Variants in SGCZ observed in about 807,000 individuals in gnomAD.
SGCZ encodes zeta-sarcoglycan.
A neutral mutation model predicts 41.3 loss-of-function variants in SGCZ; 40 were observed. That is an observed-to-expected ratio of 0.97 (90% CI 0.75 to 1.26). The LOEUF (loss-of-function observed/expected upper bound fraction) is 1.26, where lower values mean the gene tolerates loss of function less well. Ranked by LOEUF, SGCZ falls within the 50% of genes most tolerant of loss-of-function variation. The pLI is 0.00. For missense variants in SGCZ, 552 were observed against 369.8 expected (o/e 1.49, Z -4.04); for synonymous variants, 206 against 137.5 (o/e 1.50, Z -3.49).
intron 1 of SGCZ, among the ~76,000 whole-genome samples, chr8:14,608,987 C>A (rs1291286187): frequency 3.3e-5 from 5 of 152,064 alleles, no homozygotes; most frequent in Non-Finnish European, 7.4e-5. Context: ...TTAATTCTAC[C>A]TTTAAAATTT....
intron 2 of SGCZ, among the ~76,000 whole-genome samples, chr8:14,509,566 A>G (rs184943169): frequency 3.9e-4 from 60 of 152,306 alleles, no homozygotes; most frequent in African/African-American, 1.4e-3. Context: ...CTAATAGACT[A>G]GAAATGTTTA....
At chr8:14,838,809 A>G (rs1802796758) in intron 1 of SGCZ, among the ~76,000 whole-genome samples, 2 of 152,164 alleles carry the variant, frequency 1.3e-5, no homozygotes. Context: ...TGATCATCAC[A>G]TAAAAGAACA....
At chr8:15,103,544 G>A (rs543605964) in intron 1 of SGCZ, among the ~76,000 whole-genome samples, 6 of 152,206 alleles carry the variant, frequency 3.9e-5, no homozygotes, top group African/African-American at 1.4e-4. Flanking sequence ...ACACTAATAA[G>A]TCTGGATGTT....
At chr8:15,136,930 T>A (rs917069353) in intron 1 of SGCZ, among the ~76,000 whole-genome samples, 2 of 152,102 alleles carry the variant, frequency 1.3e-5, no homozygotes, top group African/African-American at 2.4e-5. Flanking sequence ...AGGCAGAGGA[T>A]GGAACAGTTT....
chr8:14,473,742 C>G (rs560248468), intron 2 of SGCZ, among the ~76,000 whole-genome samples: 2 of 152,080 alleles, frequency 1.3e-5, no homozygotes, highest in East Asian at 3.9e-4. Flanking sequence ...TCGAGACCAA[C>G]TTGGCTAACA....
At chr8:14,796,410 T>C (rs1217861188) in intron 1 of SGCZ, among the ~76,000 whole-genome samples, 1 of 150,624 alleles carries the variant, frequency 6.6e-6, no homozygotes, top group Non-Finnish European at 1.5e-5. Context: ...TGAGCCAGCA[T>C]ACTCATTCTA....
At chr8:14,610,374 T>C (rs1805888153) in intron 1 of SGCZ, among the ~76,000 whole-genome samples, 1 of 152,300 alleles carries the variant, frequency 6.6e-6, no homozygotes, top group Non-Finnish European at 1.5e-5. Context: ...ACTGAGAGGA[T>C]TCTGCACAGA....
chr8:14,814,267 A>G (rs958220406), intron 1 of SGCZ, among the ~76,000 whole-genome samples: 6 of 152,064 alleles, frequency 3.9e-5, no homozygotes, highest in Non-Finnish European at 8.8e-5. Context: ...CTACGCCTCT[A>G]CCTCCTTAAA....
At chr8:15,169,482 C>G (rs921360127) in intron 1 of SGCZ, among the ~76,000 whole-genome samples, 1 of 152,220 alleles carries the variant, frequency 6.6e-6, no homozygotes, top group Non-Finnish European at 1.5e-5. Flanking sequence ...CAATAGAACA[C>G]TGTCTCACTC....
intron 1 of SGCZ, among the ~76,000 whole-genome samples, chr8:15,224,555 G>A (rs1801706716): frequency 1.3e-5 from 2 of 152,048 alleles, no homozygotes; most frequent in South Asian, 4.1e-4. Context: ...CATAACTCAT[G>A]AACTAAAATG....
rs1189879102 is a variant in SGCZ, at chr8:14,088,679, A to G, written c.*1764T>C. On this transcript the variant is annotated 3_prime_UTR_variant, in exon 8 of 8. Transcript: ENST00000382080. ...AAATATAATCACATTTTATTTTAAC[A>G]GTAATAAATTAGCCTTTGAACCCTT... Among the ~76,000 whole-genome samples, 1 of 151,952 alleles carries G rather than the reference A, an allele frequency of 6.6e-6. No individual in the cohort carries two copies. Among genetic ancestry groups the G allele is most frequent in the Non-Finnish European group, 1.5e-5 (1 of 67,904 alleles).
chr8:14,200,647 G>C (rs532992358), intron 4 of SGCZ, among the ~76,000 whole-genome samples: 1 of 152,188 alleles, frequency 6.6e-6, no homozygotes, highest in African/African-American at 2.4e-5. Context: ...AACAAAACAT[G>C]CTGGAATATA....
intron 1 of SGCZ, among the ~76,000 whole-genome samples, chr8:14,865,152 C>T (rs1268848241): frequency 6.6e-6 from 1 of 152,004 alleles, no homozygotes; most frequent in African/African-American, 2.4e-5. Context: ...GTGTCCTTAG[C>T]ATCACATTCA....
intron 2 of SGCZ, among the ~76,000 whole-genome samples, chr8:14,459,429 T>A (rs28811743): frequency 6.6e-5 from 10 of 150,888 alleles, no homozygotes; most frequent in African/African-American, 2.4e-4. Context: ...AAAAATAAAA[T>A]AAAAAATAAA....
intron 3 of SGCZ, 123 bp from the exon 4 acceptor site, chr8:14,237,802 T>C: frequency 1.4e-6 from 1 of 726,004 alleles, no homozygotes; most frequent in Non-Finnish European, 2.2e-6. Flanking sequence ...ATTAGACAGT[T>C]AATTTAACGT....
chr8:14,375,554 T>C (rs1333633826), intron 2 of SGCZ, among the ~76,000 whole-genome samples: 2 of 152,158 alleles, frequency 1.3e-5, no homozygotes, highest in African/African-American at 4.8e-5. Context: ...TGTAATAATA[T>C]TTAAAATTAA....
intron 4 of SGCZ, among the ~76,000 whole-genome samples, chr8:14,217,660 G>C (rs1260388534): frequency 2.1e-5 from 2 of 96,322 alleles, no homozygotes; most frequent in Non-Finnish European, 4.7e-5. Context: ...TTGAGACAGA[G>C]TCTCTGTCAC....
At chr8:14,131,357 G>A (rs1803035115) in intron 5 of SGCZ, among the ~76,000 whole-genome samples, 1 of 152,112 alleles carries the variant, frequency 6.6e-6, no homozygotes, top group South Asian at 2.1e-4. Flanking sequence ...CCCCAGAAAT[G>A]CAGTTTGTTA....
chr8:15,197,998 A>G (rs1339650261), intron 1 of SGCZ, among the ~76,000 whole-genome samples: 3 of 148,906 alleles, frequency 2.0e-5, no homozygotes, highest in African/African-American at 7.3e-5. Flanking sequence ...ATATATTTAC[A>G]TAATTACATA....
Sources: allele counts gnomAD v4.1 joint callset (sites outside exome capture counted in the v4.1 genomes callset), GRCh38; gene constraint gnomAD v4.1.1; transcripts MANE v1.5; gene names NCBI Gene and HGNC (gene_info 2026-07-23, HGNC 2026-07-21).